The following SLC2A13 variants were observed in gnomAD, a reference collection of about 807,000 sequenced individuals.
The protein encoded by SLC2A13 is solute carrier family 2 member 13.
A neutral mutation model predicts 64.4 loss-of-function variants in SLC2A13; 32 were observed. The ratio of observed to expected loss-of-function variants is 0.50; its 90% confidence interval spans 0.37 to 0.67. SLC2A13 has a LOEUF of 0.67. Among genes scored for constraint, SLC2A13 ranks in the 30% least tolerant of loss-of-function variants. The pLI, the probability that SLC2A13 is intolerant of heterozygous loss-of-function variation, is 0.00. For synonymous variants in SLC2A13, 338 were observed against 327.1 expected, an observed-to-expected ratio of 1.03 and a Z score of -0.36; for missense variants, 743 against 829.2, an observed-to-expected ratio of 0.90 and a Z score of 1.28.
At chr12:39,904,499 T>C (rs1945215528) in intron 4 of SLC2A13, among the ~76,000 whole-genome samples, 1 of 152,154 alleles carries the variant, frequency 6.6e-6, no homozygotes, top group Admixed American at 6.6e-5. Flanking sequence ...GCCTTTCTTA[T>C]GGTATACTTC....
chr12:39,969,724 C>T (rs542235670), intron 3 of SLC2A13, among the ~76,000 whole-genome samples: 87 of 152,230 alleles, frequency 5.7e-4, no homozygotes, highest in Non-Finnish European at 1.1e-3. Context: ...GAATAGATTG[C>T]AAAAATTTTC....
chr12:39,941,033 G>A (rs1467356787), intron 4 of SLC2A13, among the ~76,000 whole-genome samples: 2 of 151,838 alleles, frequency 1.3e-5, no homozygotes, highest in Non-Finnish European at 2.9e-5. Context: ...CAGTGCAAAT[G>A]CTGTTAATTA....
chr12:39,771,584 T>A (rs1220630730), intron 7 of SLC2A13, among the ~76,000 whole-genome samples: 1 of 152,150 alleles, frequency 6.6e-6, no homozygotes, highest in Non-Finnish European at 1.5e-5. Flanking sequence ...TGTAGGCTTG[T>A]GAGGCCCTAA....
chr12:39,851,048 C>T (rs532720170), intron 6 of SLC2A13, among the ~76,000 whole-genome samples: 23 of 151,936 alleles, frequency 1.5e-4, no homozygotes, highest in Middle Eastern at 3.4e-3. Flanking sequence ...TACAGGTGTG[C>T]GCCACCACAT....
intron 1 of SLC2A13, among the ~76,000 whole-genome samples, chr12:40,104,795 G>C (rs1939249690): frequency 6.6e-6 from 1 of 152,188 alleles, no homozygotes. Flanking sequence ...ACTGTAACTT[G>C]ACGATGGTCT....
At chr12:39,974,425 TA>T (rs1375647484) in intron 3 of SLC2A13, among the ~76,000 whole-genome samples, 3 of 152,190 alleles carry the variant, frequency 2.0e-5, no homozygotes, top group Non-Finnish European at 4.4e-5. Flanking sequence ...TCCTCATTTA[TA>T]AAACAGGATG....
intron 4 of SLC2A13, among the ~76,000 whole-genome samples, chr12:39,897,163 T>C (rs1490367762): frequency 6.6e-6 from 1 of 152,158 alleles, no homozygotes; most frequent in Non-Finnish European, 1.5e-5. Context: ...TTCTGCCTTC[T>C]GGTTAATTTT....
intron 1 of SLC2A13, among the ~76,000 whole-genome samples, chr12:40,089,630 A>G (rs1193343255): frequency 1.3e-5 from 2 of 152,186 alleles, no homozygotes; most frequent in Non-Finnish European, 2.9e-5. Flanking sequence ...CTCCCTGTAT[A>G]GACTTTGTAA....
intron 4 of SLC2A13, among the ~76,000 whole-genome samples, chr12:39,933,600 C>T (rs1415588328): frequency 1.3e-5 from 2 of 152,144 alleles, no homozygotes; most frequent in African/African-American, 4.8e-5. Flanking sequence ...ACATCTATGT[C>T]ATTATTTCGT....
rs1345110905 is a variant in SLC2A13, at chr12:39,955,800, G to A, written c.926-4435C>T. On this transcript the variant is annotated intron_variant, in intron 3 of 9. Coordinates refer to ENST00000280871, the MANE Select transcript of SLC2A13 (RefSeq NM_052885.4). The stretch of plus-strand genomic sequence containing the variant: ...AGACAAATGCAGAGATTGGACCTAC[G>A]CAGCCAAAAGCCAAGGAATGACAGG... 2.0e-5 allele frequency among the ~76,000 whole-genome samples: 3 copies of A among 152,124 alleles called. No individual in the cohort carries two copies. The East Asian group carries it at 5.8e-4, about 29-fold the overall frequency.
chr12:39,839,866 C>G (rs188216003), intron 6 of SLC2A13, among the ~76,000 whole-genome samples: 6 of 152,206 alleles, frequency 3.9e-5, no homozygotes, highest in Admixed American at 6.5e-5. Context: ...AACTCAACAA[C>G]CTAAAGCTCA....
chr12:39,799,068 T>C (rs995934935), intron 7 of SLC2A13, among the ~76,000 whole-genome samples: 3 of 150,778 alleles, frequency 2.0e-5, no homozygotes, highest in African/African-American at 7.3e-5. Flanking sequence ...TGTTCTGGTT[T>C]TTTTTTTTTT....
Position 39,757,876 on chromosome 12 carries a change from A to G in SLC2A13, c.*2150T>C, listed in dbSNP as rs1015470586. On this transcript the variant is annotated 3_prime_UTR_variant, in exon 10 of 10. Coordinates refer to ENST00000280871, the MANE Select transcript of SLC2A13 (RefSeq NM_052885.4). ...TTAGTTAAGGCTACATATACAATAA[A>G]GAGAAGGATTGAGGCAATTATTTTG... 9 of 152,272 alleles carry G rather than the reference A, an allele frequency of 5.9e-5. No individual in the cohort carries two copies. Among genetic ancestry groups the G allele is most frequent in the Admixed American group, 1.3e-4 (2 of 15,200 alleles). The allele number at this position is 152,272 out of a possible 1,614,324, so 9.4% of individuals were successfully genotyped here. A position where few individuals can be genotyped will look rare whatever the true frequency, so the allele number is the denominator to read the frequency against.
At chr12:40,093,130 G>C (rs374304610) in intron 1 of SLC2A13, among the ~76,000 whole-genome samples, 2 of 152,204 alleles carry the variant, frequency 1.3e-5, no homozygotes, top group Non-Finnish European at 2.9e-5. Context: ...GATACATGGA[G>C]AGACTCATTT....
At chr12:40,054,533 G>C (rs1948306923) in intron 1 of SLC2A13, among the ~76,000 whole-genome samples, 1 of 152,256 alleles carries the variant, frequency 6.6e-6, no homozygotes, top group South Asian at 2.1e-4. Context: ...AAAAAGCTCA[G>C]TTTCTTAGAA....
chr12:39,892,300 T>C (rs953493), intron 4 of SLC2A13, among the ~76,000 whole-genome samples: 7,022 of 152,214 alleles, frequency 0.046, 298 homozygotes, highest in Admixed American at 0.13. Flanking sequence ...TTTCAGCTTG[T>C]TTGGGTCACA....
chr12:39,826,781 AATC>A (rs1341503113), intron 7 of SLC2A13, among the ~76,000 whole-genome samples: 1 of 150,638 alleles, frequency 6.6e-6, no homozygotes, highest in Non-Finnish European at 1.5e-5. Context: ...ATACTGCACC[AATC>A]ATAAGTATAT....
intron 6 of SLC2A13, among the ~76,000 whole-genome samples, chr12:39,859,332 TGAAA>T (rs1943694536): frequency 5.5e-5 from 4 of 72,334 alleles, no homozygotes; most frequent in African/African-American, 6.4e-5. Flanking sequence ...TTTTTTTTTC[TGAAA>T]AAAAAAAAAA....
chr12:39,879,658 C>T (rs1478770633), intron 4 of SLC2A13, among the ~76,000 whole-genome samples: 1 of 152,170 alleles, frequency 6.6e-6, no homozygotes, highest in African/African-American at 2.4e-5. Flanking sequence ...AATGCCTATA[C>T]CCCCAGTGTA....
Sources: gnomAD v4.1 joint callset for allele counts (sites outside exome capture counted in the v4.1 genomes callset) on GRCh38, gnomAD v4.1.1 for gene constraint, MANE v1.5 for transcripts, NCBI Gene and HGNC (gene_info 2026-07-23, HGNC 2026-07-21) for gene names.